SMARCA1: variants seen among roughly 807,000 people sequenced by gnomAD.
SMARCA1 encodes SNF2 related chromatin remodeling ATPase 1, also known as SWI/SNF-related matrix-associated actin-dependent regulator of chromatin subfamily A member 1.
SMARCA1 carries 17 observed loss-of-function variants against 93.6 expected under a neutral mutation model. The observed-to-expected ratio is 0.18, with a 90% CI of 0.12 to 0.27. The LOEUF (loss-of-function observed/expected upper bound fraction) is 0.27, where lower values mean the gene tolerates loss of function less well. SMARCA1 is among the 10% of genes least tolerant of loss of function. The pLI, the probability that SMARCA1 is intolerant of heterozygous loss-of-function variation, is 1.00. For missense variants in SMARCA1, 630 were observed against 819.0 expected (o/e 0.77, Z 2.82); for synonymous variants, 271 against 271.4 (o/e 1.00, Z 0.01).
At position 129,516,088 on chromosome X, in the gene SMARCA1, G is replaced by C. The variant is rs762702038; in HGVS notation, c.429-94C>G. 16 of 712,188 alleles carry C rather than the reference G, an allele frequency of 2.2e-5. No homozygotes were observed. In the African/African-American group the frequency reaches 3.5e-4, roughly 15 times the overall value. 58.7% of individuals were successfully genotyped at this position (712,188 alleles called of 1,213,427 possible). A position where few individuals can be genotyped will look rare whatever the true frequency, so the allele number is the denominator to read the frequency against. On this transcript the variant is annotated intron_variant, in intron 3 of 24. Transcript: ENST00000371121. Reference sequence around the variant, plus strand: ...ATGGCTATTATCTTTTATAGAAAAAGAATGAGTTGTCCAAGGTCTTGCTTA... The same window carrying C: ...ATGGCTATTATCTTTTATAGAAAAACAATGAGTTGTCCAAGGTCTTGCTTA...
intron 16 of SMARCA1, among the ~76,000 whole-genome samples, chrX:129,487,552 T>C (rs1008839319): frequency 3.6e-5 from 4 of 112,577 alleles, no homozygotes; most frequent in Admixed American, 2.8e-4. Context: ...AAAATTCTTC[T>C]GAAAAGCAAA....
At chrX:129,450,979 C>G (rs1932263092) in intron 23 of SMARCA1, among the ~76,000 whole-genome samples, 1 of 111,520 alleles carries the variant, frequency 9.0e-6, no homozygotes, top group South Asian at 3.8e-4. Flanking sequence ...ATTTTAGGCT[C>G]TAAATGAAAC....
At position 129,495,279 on chromosome X, in the gene SMARCA1, T is replaced by C. The variant is rs749343736; in HGVS notation, c.1626+1471A>G. Among the ~76,000 whole-genome samples, 4 of 112,914 alleles carry C rather than the reference T, an allele frequency of 3.5e-5. No homozygotes were observed. In the South Asian group the frequency reaches 1.5e-3, roughly 41 times the overall value. On this transcript the variant is annotated intron_variant, in intron 12 of 24. Transcript: ENST00000371121. ...TTTATTAATCTTTCTTAAACGTATG[T>C]ATGGCTCACATTTATTTCCATGTTT...
intron 23 of SMARCA1, among the ~76,000 whole-genome samples, chrX:129,460,710 G>C (rs1279882267): frequency 9.0e-6 from 1 of 111,495 alleles, no homozygotes; most frequent in Non-Finnish European, 1.9e-5. Flanking sequence ...TCCATAAGCA[G>C]CAAATAGAAG....
chrX:129,455,646 T>C (rs761676691), intron 23 of SMARCA1, among the ~76,000 whole-genome samples: 1 of 111,007 alleles, frequency 9.0e-6, no homozygotes, highest in Admixed American at 9.5e-5. Context: ...ACACAAGTGA[T>C]AAGAAAGCCA....
At chrX:129,458,361 T>C (rs1345356456) in intron 23 of SMARCA1, among the ~76,000 whole-genome samples, 1 of 112,667 alleles carries the variant, frequency 8.9e-6, no homozygotes, top group African/African-American at 3.2e-5. Context: ...CAGACTTAGC[T>C]TCACTTTAAA....
At chrX:129,488,309 T>G (rs761749075) in intron 16 of SMARCA1, among the ~76,000 whole-genome samples, 31 of 90,316 alleles carry the variant, frequency 3.4e-4, no homozygotes, top group African/African-American at 1.3e-3. Context: ...AAAAAAAAGA[T>G]TATAAAAATA....
chrX:129,476,298 A>G (rs1033149980), intron 19 of SMARCA1, among the ~76,000 whole-genome samples: 1 of 112,270 alleles, frequency 8.9e-6, no homozygotes, highest in Non-Finnish European at 1.9e-5. Flanking sequence ...GGCGAAACAA[A>G]TACTTCTCTC....
chrX:129,520,636 A>G (rs1935355084), intron 1 of SMARCA1, among the ~76,000 whole-genome samples: 1 of 110,523 alleles, frequency 9.0e-6, no homozygotes, highest in Non-Finnish European at 1.9e-5. Flanking sequence ...GCAGAAACCA[A>G]GGACGAAAAT....
intron 1 of SMARCA1, among the ~76,000 whole-genome samples, chrX:129,520,995 A>G (rs1256210400): frequency 2.7e-5 from 3 of 110,429 alleles, no homozygotes; most frequent in African/African-American, 9.9e-5. Context: ...CTCCTGCCTC[A>G]GCCTCCCAAG....
intron 5 of SMARCA1, among the ~76,000 whole-genome samples, chrX:129,512,593 C>T (rs893303557): frequency 4.0e-4 from 45 of 111,673 alleles, no homozygotes; most frequent in Non-Finnish European, 2.8e-4. Context: ...GAACCCATAC[C>T]TAACCCATAA....
chrX:129,501,294 C>G (rs1232888225), intron 9 of SMARCA1, among the ~76,000 whole-genome samples: 1 of 97,332 alleles, frequency 1.0e-5, no homozygotes, highest in Non-Finnish European at 2.0e-5. Flanking sequence ...TGTGTATATA[C>G]CAAACTTTTT....
intron 23 of SMARCA1, among the ~76,000 whole-genome samples, chrX:129,457,261 T>C (rs1932673166): frequency 8.9e-6 from 1 of 112,548 alleles, no homozygotes; most frequent in Non-Finnish European, 1.9e-5. Context: ...ATGCTATTGC[T>C]CGCCTTATAG....
At chrX:129,485,693 C>A (rs989484334) in intron 17 of SMARCA1, among the ~76,000 whole-genome samples, 5 of 111,592 alleles carry the variant, frequency 4.5e-5, no homozygotes, top group Non-Finnish European at 9.4e-5. Context: ...GTCATAGGGG[C>A]AGATCTCTCA....
At chrX:129,520,429 AT>A (rs780688671) in intron 1 of SMARCA1, among the ~76,000 whole-genome samples, 1 of 111,153 alleles carries the variant, frequency 9.0e-6, no homozygotes, top group African/African-American at 3.3e-5. Flanking sequence ...GAGTAGGTAA[AT>A]GTCACAGGTC....
intron 1 of SMARCA1, among the ~76,000 whole-genome samples, chrX:129,520,900 C>T (rs143232891): frequency 0.021 from 2,308 of 111,800 alleles, 69 homozygotes; most frequent in African/African-American, 0.07. Context: ...TATTTTGAGA[C>T]GGAGTCTCAC....
At chrX:129,472,382 G>C (rs769733665) in intron 19 of SMARCA1, among the ~76,000 whole-genome samples, 1 of 111,214 alleles carries the variant, frequency 9.0e-6, no homozygotes, top group Non-Finnish European at 1.9e-5. Flanking sequence ...GGGGCATCAG[G>C]TAGTCATGGT....
chrX:129,481,828 T>C (rs992342107), intron 17 of SMARCA1, among the ~76,000 whole-genome samples: 1 of 111,191 alleles, frequency 9.0e-6, no homozygotes, highest in Non-Finnish European at 1.9e-5. Flanking sequence ...ATCCCATTAC[T>C]AGGTATATAC....
intron 20 of SMARCA1, among the ~76,000 whole-genome samples, chrX:129,470,804 G>T (rs1279949444): frequency 9.0e-6 from 1 of 111,566 alleles, no homozygotes; most frequent in African/African-American, 3.3e-5. Flanking sequence ...GGGAGGTGGA[G>T]GATACAGTGA....
Sources: gnomAD v4.1 joint callset for allele counts (sites outside exome capture counted in the v4.1 genomes callset) on GRCh38, gnomAD v4.1.1 for gene constraint, MANE v1.5 for transcripts, NCBI Gene and HGNC (gene_info 2026-07-23, HGNC 2026-07-21) for gene names.